Variants in DLG2 observed in about 807,000 individuals in gnomAD.
DLG2 encodes the protein disks large homolog 2.
DLG2 carries 45 observed loss-of-function variants against 132.5 expected under a neutral mutation model. The ratio of observed to expected loss-of-function variants is 0.34; its 90% confidence interval spans 0.27 to 0.44. DLG2 has a LOEUF of 0.44. DLG2 is among the 20% of genes least tolerant of loss of function. DLG2 has a pLI of 1.00. For synonymous variants in DLG2, 424 were observed against 419.6 expected (o/e 1.01, Z -0.13); for missense variants, 1,045 against 1,196.9 (o/e 0.87, Z 1.87).
chr11:83,879,944 A>C (rs1455643277), intron 15 of DLG2, among the ~76,000 whole-genome samples: 1 of 152,204 alleles, frequency 6.6e-6, no homozygotes, highest in Admixed American at 6.5e-5. Context: ...TATGTTTGGA[A>C]GAATATATAA....
chr11:83,756,974 T>C (rs138260704), intron 18 of DLG2, among the ~76,000 whole-genome samples: 3 of 152,322 alleles, frequency 2.0e-5, no homozygotes, highest in African/African-American at 7.2e-5. Context: ...ATGTCATATA[T>C]TGTATATTAA....
chr11:85,519,062 G>T (rs537969197), intron 3 of DLG2, among the ~76,000 whole-genome samples: 1 of 152,292 alleles, frequency 6.6e-6, no homozygotes, highest in East Asian at 1.9e-4. Context: ...AGTTTGCTGT[G>T]GGGGCAGGGC....
intron 4 of DLG2, among the ~76,000 whole-genome samples, chr11:85,275,434 T>C (rs1173006925): frequency 2.6e-5 from 4 of 152,178 alleles, no homozygotes; most frequent in Admixed American, 6.6e-5. Flanking sequence ...GACAGCTGCA[T>C]ACTTACAAAT....
At chr11:84,685,507 C>G (rs1038003058) in intron 6 of DLG2, among the ~76,000 whole-genome samples, 3 of 152,158 alleles carry the variant, frequency 2.0e-5, no homozygotes, top group African/African-American at 4.8e-5. Context: ...GTAATCAATT[C>G]CTTCTAGTCT....
chr11:83,492,816 C>T (rs1473025354), intron 21 of DLG2, among the ~76,000 whole-genome samples: 1 of 152,118 alleles, frequency 6.6e-6, no homozygotes, highest in African/African-American at 2.4e-5. Flanking sequence ...GTCCAAGTCA[C>T]CACCATCTCT....
intron 11 of DLG2, among the ~76,000 whole-genome samples, chr11:84,025,944 A>G (rs2095525197): frequency 6.6e-6 from 1 of 152,160 alleles, no homozygotes; most frequent in African/African-American, 2.4e-5. Context: ...ATCAGACAGG[A>G]AAGAAAACAA....
chr11:83,748,273 C>G (rs995069009), intron 18 of DLG2, among the ~76,000 whole-genome samples: 1 of 152,198 alleles, frequency 6.6e-6, no homozygotes, highest in Non-Finnish European at 1.5e-5. Context: ...TAACTATCAA[C>G]CACACCTTGA....
chr11:84,186,675 T>C (rs1371769628), intron 8 of DLG2, among the ~76,000 whole-genome samples: 1 of 151,882 alleles, frequency 6.6e-6, no homozygotes, highest in South Asian at 2.1e-4. Flanking sequence ...TGAACACTCC[T>C]CCTATCTAGA....
chr11:83,964,910 T>C (rs1175313601), intron 13 of DLG2, among the ~76,000 whole-genome samples: 2 of 151,976 alleles, frequency 1.3e-5, no homozygotes, highest in African/African-American at 2.4e-5. Flanking sequence ...ATCCCCTTTT[T>C]CAGGAAGAAT....
intron 3 of DLG2, among the ~76,000 whole-genome samples, chr11:85,324,510 A>G (rs1229253644): frequency 2.0e-5 from 3 of 152,212 alleles, no homozygotes; most frequent in Admixed American, 6.5e-5. Context: ...GATTACTGAT[A>G]CACTGGTATT....
At chr11:84,784,350 A>T (rs150513142) in intron 6 of DLG2, among the ~76,000 whole-genome samples, 9,675 of 145,320 alleles carry the variant, frequency 0.067, 397 homozygotes, top group Middle Eastern at 0.091. Context: ...ATAAATAAAT[A>T]AATAAATAAA....
At chr11:85,176,252 G>A (rs1422348639) in intron 4 of DLG2, among the ~76,000 whole-genome samples, 2 of 152,052 alleles carry the variant, frequency 1.3e-5, no homozygotes, top group Non-Finnish European at 2.9e-5. Flanking sequence ...CATGGTACCT[G>A]TAAAAAAGAA....
intron 3 of DLG2, among the ~76,000 whole-genome samples, chr11:85,539,649 T>C (rs2075830074): frequency 6.6e-6 from 1 of 152,210 alleles, no homozygotes; most frequent in Admixed American, 6.5e-5. Flanking sequence ...AACTATCTTA[T>C]GTTACTCTTT....
At chr11:84,336,977 T>C (rs1187970348) in intron 7 of DLG2, among the ~76,000 whole-genome samples, 1 of 152,230 alleles carries the variant, frequency 6.6e-6, no homozygotes, top group Non-Finnish European at 1.5e-5. Flanking sequence ...TGCATATATG[T>C]ATGTATAATC....
rs372364718 is a variant in DLG2 at position 84,592,815 on chromosome 11, A to T, written c.358-58084T>A. On this transcript the variant is annotated intron_variant, in intron 6 of 27. Transcript: ENST00000376104. ...AGTGATCATTAAAAAGTCAGGAAAC[A>T]GGCCAGTAACAGGATTACAGGCCTG... Among the ~76,000 whole-genome samples the T allele has an allele frequency of 2.3e-3, 354 of 151,364 alleles. 3 individuals are homozygous for T. The highest frequency in any genetic ancestry group is 8.4e-3 in the African/African-American group (345 of 41,246).
At chr11:83,597,611 C>G (rs1036496417) in intron 19 of DLG2, among the ~76,000 whole-genome samples, 2 of 126,992 alleles carry the variant, frequency 1.6e-5, no homozygotes, top group African/African-American at 6.7e-5. Context: ...GAGGCAAAAC[C>G]CCATCTCTAC....
intron 3 of DLG2, among the ~76,000 whole-genome samples, chr11:85,518,963 GAAGTC>G (rs936727870): frequency 1.3e-5 from 2 of 152,322 alleles, no homozygotes; most frequent in African/African-American, 4.8e-5. Flanking sequence ...TGGGTGCACA[GAAGTC>G]AAGAATTTAG....
At position 84,116,112 on chromosome 11, in the gene DLG2, G is replaced by C. The variant is rs150548202; in HGVS notation, c.625-17065C>G. Among the ~76,000 whole-genome samples, 818 of 152,342 alleles carry C rather than the reference G, an allele frequency of 5.4e-3. 5 individuals are homozygous for C. The highest frequency in any genetic ancestry group is 8.4e-3 in the Non-Finnish European group (569 of 68,028). On this transcript the variant is annotated intron_variant, in intron 9 of 27. Coordinates refer to ENST00000376104, the MANE Select transcript of DLG2 (RefSeq NM_001142699.3). ...GTTGGAAACTTAATCCGCAGTGCAA[G>C]AGCACTGGCAAGTGGGGCCTTTTGG...
chr11:83,639,025 C>T (rs2065643921), intron 18 of DLG2, among the ~76,000 whole-genome samples: 1 of 152,178 alleles, frequency 6.6e-6, no homozygotes, highest in South Asian at 2.1e-4. Flanking sequence ...GGAGGCATTG[C>T]CTCCTGTGAG....
Sources: allele counts gnomAD v4.1 joint callset (sites outside exome capture counted in the v4.1 genomes callset), GRCh38; gene constraint gnomAD v4.1.1; transcripts MANE v1.5; gene names NCBI Gene and HGNC (gene_info 2026-07-23, HGNC 2026-07-21).